PDE1A: variants seen among roughly 807,000 people sequenced by gnomAD.
The protein encoded by PDE1A is dual specificity calcium/calmodulin-dependent 3',5'-cyclic nucleotide phosphodiesterase 1A.
Under a neutral mutation model 61.7 loss-of-function variants are expected in PDE1A, and 35 were observed. That is an observed-to-expected ratio of 0.57 (90% CI 0.43 to 0.75). The LOEUF (loss-of-function observed/expected upper bound fraction) is 0.75, where lower values mean the gene tolerates loss of function less well. PDE1A is among the 30% of genes least tolerant of loss of function. The pLI is 0.00. For missense variants in PDE1A, 597 were observed against 630.6 expected, an observed-to-expected ratio of 0.95 and a Z score of 0.57; for synonymous variants, 232 against 213.2, an observed-to-expected ratio of 1.09 and a Z score of -0.77.
At chr2:182,497,599 C>T (rs572817683) in intron 2 of PDE1A, among the ~76,000 whole-genome samples, 1 of 152,138 alleles carries the variant, frequency 6.6e-6, no homozygotes, top group East Asian at 1.9e-4. Flanking sequence ...ATGGCCCCAA[C>T]GTTTTTCCTC....
At chr2:182,658,836 C>T in the PDE1A span, among the ~76,000 whole-genome samples, 15 of 152,250 alleles carry the variant, frequency 9.9e-5, no homozygotes, top group African/African-American at 3.4e-4. Context: ...TGTATGCATA[C>T]AAGTGCACTT....
At chr2:182,565,381 C>T in the PDE1A span, among the ~76,000 whole-genome samples, 9 of 152,220 alleles carry the variant, frequency 5.9e-5, no homozygotes, top group South Asian at 6.2e-4. Flanking sequence ...TTTTGTGAAC[C>T]GCAAATGCTG....
chr2:182,231,788 G>A (rs945894187), intron 4 of PDE1A, among the ~76,000 whole-genome samples: 7 of 151,920 alleles, frequency 4.6e-5, no homozygotes, highest in Non-Finnish European at 8.8e-5. Flanking sequence ...GGTGGTGCAC[G>A]CCTGTAATCC....
chr2:182,235,782 T>C (rs760536329), intron 3 of PDE1A, among the ~76,000 whole-genome samples: 1 of 152,206 alleles, frequency 6.6e-6, no homozygotes, highest in Non-Finnish European at 1.5e-5. Flanking sequence ...TAATTAAATA[T>C]AACGATAAAT....
At chr2:182,205,701 T>C (rs1041979935) in intron 8 of PDE1A, among the ~76,000 whole-genome samples, 1 of 152,198 alleles carries the variant, frequency 6.6e-6, no homozygotes, top group Admixed American at 6.5e-5. Flanking sequence ...GTGTTGTGTG[T>C]GGTCTTATTC....
At chr2:182,512,636 T>C (rs1366693165) in intron 2 of PDE1A, among the ~76,000 whole-genome samples, 1 of 152,120 alleles carries the variant, frequency 6.6e-6, no homozygotes, top group African/African-American at 2.4e-5. Context: ...GTTCAGAATC[T>C]GGATGGCATG....
At chr2:182,497,732 T>C (rs1278507227) in intron 2 of PDE1A, among the ~76,000 whole-genome samples, 9 of 151,968 alleles carry the variant, frequency 5.9e-5, no homozygotes, top group African/African-American at 1.9e-4. Flanking sequence ...CGGCATTTGG[T>C]AACCACCCAA....
intron 13 of PDE1A, among the ~76,000 whole-genome samples, chr2:182,152,109 A>G (rs1690815286): frequency 6.6e-6 from 1 of 152,196 alleles, no homozygotes; most frequent in South Asian, 2.1e-4. Context: ...GTAACACTGC[A>G]TTCTTATTTT....
intron 2 of PDE1A, among the ~76,000 whole-genome samples, chr2:182,242,899 C>CCTCTCTCT (rs71340034): frequency 6.8e-5 from 7 of 103,676 alleles, no homozygotes; most frequent in African/African-American, 3.0e-4. Flanking sequence ...TCTCTCTCTC[C>CCTCTCTCT]CTCTCTCTCT....
intron 1 of PDE1A, among the ~76,000 whole-genome samples, chr2:182,338,681 G>A (rs1164816335): frequency 1.3e-5 from 2 of 151,872 alleles, no homozygotes; most frequent in African/African-American, 2.4e-5. Flanking sequence ...CTGACACCAC[G>A]CCTGGCTAAT....
At chr2:182,166,041 C>T (rs1003140246), downstream of PDE1A, among the ~76,000 whole-genome samples, 12 of 152,088 alleles carry the variant, frequency 7.9e-5, no homozygotes, top group African/African-American at 2.9e-4. Context: ...CCATGTTGGA[C>T]AGAATTATGA....
At chr2:182,551,765 GC>G in the PDE1A span, among the ~76,000 whole-genome samples, 2 of 152,162 alleles carry the variant, frequency 1.3e-5, no homozygotes, top group Non-Finnish European at 2.9e-5. Context: ...ATGGTGGCAA[GC>G]CTACAAGTGT....
intron 2 of PDE1A, among the ~76,000 whole-genome samples, chr2:182,473,373 C>T (rs924735836): frequency 6.6e-6 from 1 of 151,866 alleles, no homozygotes; most frequent in South Asian, 2.1e-4. Flanking sequence ...TTTCGCAACC[C>T]ACTCATCTGA....
chr2:182,596,595 A>G, the PDE1A span, among the ~76,000 whole-genome samples: 1 of 152,228 alleles, frequency 6.6e-6, no homozygotes, highest in East Asian at 1.9e-4. Flanking sequence ...ACTCCATTGA[A>G]AAACAAATAA....
chr2:182,516,749 GAGAAAGAAAGAAAAAGAA>G (rs1559534136), intron 2 of PDE1A, among the ~76,000 whole-genome samples: 2 of 135,680 alleles, frequency 1.5e-5, no homozygotes, highest in African/African-American at 5.5e-5. Context: ...AGGAAAAAGA[GAGAAAGAAAGAAAAAGAA>G]AGAAAGAAAG....
the PDE1A span, among the ~76,000 whole-genome samples, chr2:182,623,437 T>C: frequency 6.6e-6 from 1 of 152,314 alleles, no homozygotes; most frequent in Admixed American, 6.5e-5. Flanking sequence ...TTTTACCTGC[T>C]CTTTCACAGA....
intron 4 of PDE1A, among the ~76,000 whole-genome samples, chr2:182,231,871 C>T (rs1033487302): frequency 6.6e-6 from 1 of 152,026 alleles, no homozygotes. Flanking sequence ...GCCAAGATCG[C>T]ACTACTGCAC....
At chr2:182,490,481 T>C (rs1191473004) in intron 2 of PDE1A, among the ~76,000 whole-genome samples, 2 of 152,208 alleles carry the variant, frequency 1.3e-5, no homozygotes, top group Non-Finnish European at 2.9e-5. Flanking sequence ...GCCATTCTCC[T>C]GCCTCAGCCT....
intron 1 of PDE1A, among the ~76,000 whole-genome samples, chr2:182,319,074 A>G (rs1241166861): frequency 6.6e-6 from 1 of 152,126 alleles, no homozygotes; most frequent in East Asian, 1.9e-4. Flanking sequence ...CTCGTCATGT[A>G]TTGATTTTCC....
Sources: allele counts gnomAD v4.1 joint callset (sites outside exome capture counted in the v4.1 genomes callset), GRCh38; gene constraint gnomAD v4.1.1; transcripts MANE v1.5; gene names NCBI Gene and HGNC (gene_info 2026-07-23, HGNC 2026-07-21).